Variants in TMEM132D observed in about 807,000 individuals in gnomAD.
TMEM132D encodes the protein transmembrane protein 132D, also known as mature OL transmembrane protein.
Under a neutral mutation model 62.3 loss-of-function variants are expected in TMEM132D, and 21 were observed. The ratio of observed to expected loss-of-function variants is 0.34; its 90% CI spans 0.24 to 0.49. TMEM132D has a LOEUF of 0.49. TMEM132D is among the 20% of genes least tolerant of loss of function. TMEM132D has a pLI of 0.99. For missense variants in TMEM132D, 1,346 were observed against 1,402.8 expected (o/e 0.96, Z 0.65); for synonymous variants, 621 against 575.6 (o/e 1.08, Z -1.13).
chr12:129,308,720 T>A (rs1386536208), intron 4 of TMEM132D, among the ~76,000 whole-genome samples: 2 of 152,188 alleles, frequency 1.3e-5, no homozygotes, highest in Non-Finnish European at 2.9e-5. Flanking sequence ...GTAAATGGAT[T>A]TATTAACTGG....
chr12:129,709,181 TC>T (rs1476256722), intron 1 of TMEM132D, among the ~76,000 whole-genome samples: 2 of 152,170 alleles, frequency 1.3e-5, no homozygotes, highest in African/African-American at 4.8e-5. Flanking sequence ...AGAATCATGG[TC>T]GGGGTCAAAT....
chr12:129,281,215 A>G (rs1403582974), intron 4 of TMEM132D, among the ~76,000 whole-genome samples: 2 of 152,086 alleles, frequency 1.3e-5, no homozygotes, highest in Admixed American at 1.3e-4. Flanking sequence ...CTTTCACTGA[A>G]TACATACCCA....
intron 2 of TMEM132D, among the ~76,000 whole-genome samples, chr12:129,645,077 T>C (rs1879739657): frequency 6.6e-6 from 1 of 151,730 alleles, no homozygotes; most frequent in African/African-American, 2.4e-5. Flanking sequence ...TGCAAGGCTG[T>C]CTTCTGTGGG....
chr12:129,533,770 T>C (rs1876298001), intron 2 of TMEM132D, among the ~76,000 whole-genome samples: 1 of 152,052 alleles, frequency 6.6e-6, no homozygotes, highest in South Asian at 2.1e-4. Context: ...TGTTTTTTCC[T>C]GGAATTTTAT....
chr12:129,370,697 TA>T (rs1198553525), intron 3 of TMEM132D, among the ~76,000 whole-genome samples: 5 of 152,132 alleles, frequency 3.3e-5, no homozygotes, highest in East Asian at 3.9e-4. Context: ...ATATTAGCCA[TA>T]AAAAAAGAAT....
chr12:129,733,289 G>A (rs1192993638), intron 1 of TMEM132D, among the ~76,000 whole-genome samples: 2 of 152,152 alleles, frequency 1.3e-5, no homozygotes, highest in Non-Finnish European at 2.9e-5. Context: ...TTTGCCCTTA[G>A]CCTGTAGGGT....
chr12:129,815,700 G>A lies in TMEM132D; in HGVS notation c.79+87561C>T, dbSNP rs535200541. ...TGTGTTGCTGTCTGAATGCTCCCCC[G>A]GTTACAAAAATTAGTTTTATTTTCT... On this transcript the variant is annotated intron_variant, in intron 1 of 8. Transcript: ENST00000422113. 5.3e-5 allele frequency among the ~76,000 whole-genome samples: 8 copies of A among 152,050 alleles called. No homozygotes were observed. The East Asian group carries it at 1.4e-3, about 26-fold the overall frequency.
At chr12:129,609,136 G>A (rs1878703537) in intron 2 of TMEM132D, among the ~76,000 whole-genome samples, 1 of 151,888 alleles carries the variant, frequency 6.6e-6, no homozygotes, top group African/African-American at 2.4e-5. Flanking sequence ...GTAGGGACGG[G>A]ATTTCACCAT....
At chr12:129,250,005 C>T (rs563903209) in intron 4 of TMEM132D, among the ~76,000 whole-genome samples, 7 of 152,222 alleles carry the variant, frequency 4.6e-5, no homozygotes, top group African/African-American at 9.6e-5. Context: ...AGGAGGTGGG[C>T]GTACCCCGCT....
chr12:129,797,003 C>T (rs1269451798), intron 1 of TMEM132D, among the ~76,000 whole-genome samples: 3 of 152,202 alleles, frequency 2.0e-5, no homozygotes, highest in African/African-American at 7.2e-5. Flanking sequence ...CATCTTTTAA[C>T]ACCGGCTTGT....
chr12:129,236,352 T>C (rs1422431941), intron 4 of TMEM132D, among the ~76,000 whole-genome samples: 1 of 151,604 alleles, frequency 6.6e-6, no homozygotes, highest in Non-Finnish European at 1.5e-5. Context: ...CTATCTCTAC[T>C]GAAAATACAA....
Position 129,903,154 on chromosome 12 carries a change from C to G in TMEM132D, c.79+107G>C. On this transcript the variant is annotated intron_variant, in intron 1 of 8. Coordinates refer to ENST00000422113, the MANE Select transcript of TMEM132D (RefSeq NM_133448.3). This position sits in a 1 kb window ranked among gnomAD's most constrained non-coding sequence, Gnocchi z 6.2. ...ACATGCACACAAGCGCGCACACACA[C>G]TTGCACACGAGCCCTCTCTCCCGGC... The G allele has an allele frequency of 8.3e-7, 1 of 1,200,528 alleles. No homozygotes were observed. Among genetic ancestry groups the G allele is most frequent in the Non-Finnish European group, 1.2e-6 (1 of 840,848 alleles). 74.4% of individuals were successfully genotyped at this position (1,200,528 alleles called of 1,614,324 possible).
intron 5 of TMEM132D, among the ~76,000 whole-genome samples, chr12:129,190,301 G>A (rs112380681): frequency 1.2e-3 from 24 of 20,516 alleles, no homozygotes; most frequent in Non-Finnish European, 2.5e-3. Flanking sequence ...GCCTGCAGAT[G>A]GAGGGAGGGG....
At chr12:129,736,214 TC>T (rs1233944960) in intron 1 of TMEM132D, among the ~76,000 whole-genome samples, 1 of 152,330 alleles carries the variant, frequency 6.6e-6, no homozygotes, top group African/African-American at 2.4e-5. Context: ...CCTACAAAAG[TC>T]TCCTTCTTTA....
chr12:129,808,371 A>G (rs188988273), intron 1 of TMEM132D, among the ~76,000 whole-genome samples: 4 of 152,346 alleles, frequency 2.6e-5, no homozygotes, highest in East Asian at 3.9e-4. Context: ...GGTTCAGAAA[A>G]CAAACTCTTT....
rs1482279409 is a variant in TMEM132D, at chr12:129,903,548, C to G, written c.-209G>C. On this transcript the variant is annotated 5_prime_UTR_variant, in exon 1 of 9. Transcript: ENST00000422113. This position sits in a 1 kb window ranked among gnomAD's most constrained non-coding sequence, Gnocchi z 6.2. Reference sequence around the variant, plus strand: ...ACCGCGCGGGCTCCTGAGTTGCTCTCCGGAGTCCAACACGCGCGCAGGCAA... The same window carrying G: ...ACCGCGCGGGCTCCTGAGTTGCTCTGCGGAGTCCAACACGCGCGCAGGCAA... 1.7e-6 allele frequency: 1 copy of G among 573,964 alleles called. No homozygotes were observed. The highest frequency in any genetic ancestry group is 3.1e-6 in the Non-Finnish European group (1 of 321,650). 35.6% of individuals were successfully genotyped at this position (573,964 alleles called of 1,614,324 possible).
At chr12:129,254,788 T>C (rs1035501357) in intron 4 of TMEM132D, among the ~76,000 whole-genome samples, 3 of 152,154 alleles carry the variant, frequency 2.0e-5, no homozygotes, top group Non-Finnish European at 4.4e-5. Context: ...ATTTATATGA[T>C]ATTTCTTTAC....
intron 3 of TMEM132D, among the ~76,000 whole-genome samples, chr12:129,437,509 C>G (rs759284848): frequency 1.3e-5 from 2 of 152,136 alleles, no homozygotes; most frequent in Non-Finnish European, 2.9e-5. Flanking sequence ...TTTCATACTT[C>G]TCAAATTTTA....
Position 129,287,558 on chromosome 12 carries a change from G to A in TMEM132D, c.1299+50076C>T, listed in dbSNP as rs563127861. Among the ~76,000 whole-genome samples, 15 of 152,266 alleles carry A rather than the reference G, an allele frequency of 9.9e-5. No homozygotes were observed. In the South Asian group the frequency reaches 1.2e-3, roughly 13 times the overall value. On this transcript the variant is annotated intron_variant, in intron 4 of 8. Transcript: ENST00000422113. ...TTTTAATTACTTTTGCACCAACCTAGTATCTCCACATTTATTTGATGCATA... is the reference window on the plus strand; with the variant it reads ...TTTTAATTACTTTTGCACCAACCTAATATCTCCACATTTATTTGATGCATA...
Sources: allele counts gnomAD v4.1 joint callset (sites outside exome capture counted in the v4.1 genomes callset), GRCh38; gene constraint gnomAD v4.1.1; non-coding constraint Gnocchi (gnomAD v3.1); transcripts MANE v1.5; gene names NCBI Gene and HGNC (gene_info 2026-07-23, HGNC 2026-07-21).